The following SORCS2 variants were observed in gnomAD, a reference collection of about 807,000 sequenced individuals.
SORCS2 encodes the protein sortilin related VPS10 domain containing receptor 2.
In SORCS2, 100 loss-of-function variants were observed where a neutral mutation model predicts 141.6. That is an observed-to-expected ratio of 0.71 (90% CI 0.60 to 0.83). The LOEUF (loss-of-function observed/expected upper bound fraction) is 0.83, where lower values mean the gene tolerates loss of function less well. Among genes scored for constraint, SORCS2 ranks in the 40% least tolerant of loss-of-function variants. SORCS2 has a pLI of 0.00. For synonymous variants in SORCS2, 789 were observed against 676.9 expected (o/e 1.17, Z -2.57); for missense variants, 1,646 against 1,560.2 (o/e 1.05, Z -0.93).
chr4:7,690,434 G>GTGGA (rs1162253824), intron 11 of SORCS2, among the ~76,000 whole-genome samples: 3 of 149,762 alleles, frequency 2.0e-5, no homozygotes, highest in Admixed American at 1.3e-4. Context: ...GTGTGGGTGG[G>GTGGA]TGGATGGATG....
chr4:7,299,045 C>T (rs547578847), intron 1 of SORCS2, among the ~76,000 whole-genome samples: 279 of 152,388 alleles, frequency 1.8e-3, no homozygotes, highest in Middle Eastern at 6.8e-3. Context: ...CCCGCCACCC[C>T]CTCTTGGGTC....
At chr4:7,371,745 T>C in intron 1 of SORCS2, among the ~76,000 whole-genome samples, 1 of 151,734 alleles carries the variant, frequency 6.6e-6, no homozygotes, top group Non-Finnish European at 1.5e-5. Flanking sequence ...TGGAGGCGGG[T>C]GTGTGTCGGG....
intron 1 of SORCS2, among the ~76,000 whole-genome samples, chr4:7,378,682 A>G (rs1722808923): frequency 1.3e-5 from 2 of 152,102 alleles, no homozygotes; most frequent in Admixed American, 6.6e-5. Context: ...CAACCATAGC[A>G]GGTTCCTCCC....
Position 7,573,229 on chromosome 4 carries a change from A to G in SORCS2, c.648+41600A>G, listed in dbSNP as rs551014082. 1.6e-4 allele frequency among the ~76,000 whole-genome samples: 24 copies of G among 152,350 alleles called. No individual in the cohort carries two copies. In the South Asian group the frequency reaches 2.5e-3, roughly 16 times the overall value. On this transcript the variant is annotated intron_variant, in intron 3 of 26. Coordinates refer to ENST00000507866, the MANE Select transcript of SORCS2 (RefSeq NM_020777.3). ...AGATACTCCTCCAACTTCAACAAGCACACAAGATCCCTGCGGCATGATATC... is the reference window on the plus strand; with the variant it reads ...AGATACTCCTCCAACTTCAACAAGCGCACAAGATCCCTGCGGCATGATATC...
At chr4:7,457,940 GC>G (rs1227641060) in intron 2 of SORCS2, among the ~76,000 whole-genome samples, 1 of 151,982 alleles carries the variant, frequency 6.6e-6, no homozygotes, top group Non-Finnish European at 1.5e-5. Flanking sequence ...CCGAGAGGCT[GC>G]GGGGCAGGGA....
At chr4:7,583,822 T>C (rs977932875) in intron 3 of SORCS2, among the ~76,000 whole-genome samples, 1 of 152,254 alleles carries the variant, frequency 6.6e-6, no homozygotes, top group Non-Finnish European at 1.5e-5. Context: ...CTAATACATA[T>C]GAGCACTTTA....
chr4:7,207,421 G>A (rs1727808351), intron 1 of SORCS2, among the ~76,000 whole-genome samples: 1 of 152,212 alleles, frequency 6.6e-6, no homozygotes, highest in Admixed American at 6.5e-5. Flanking sequence ...CCAGGGCCCA[G>A]CTGCTGGGCT....
chr4:7,626,020 C>G (rs905233625), intron 3 of SORCS2, among the ~76,000 whole-genome samples: 5 of 151,920 alleles, frequency 3.3e-5, no homozygotes, highest in African/African-American at 1.2e-4. Context: ...TACACACGCG[C>G]CTGTGGTTCC....
chr4:7,405,766 G>T (rs1306976554), intron 2 of SORCS2, among the ~76,000 whole-genome samples: 1 of 151,996 alleles, frequency 6.6e-6, no homozygotes, highest in African/African-American at 2.4e-5. Context: ...CCAGCTATAA[G>T]ATCATGTCAT....
intron 4 of SORCS2, among the ~76,000 whole-genome samples, chr4:7,641,881 T>C (rs1266407464): frequency 1.6e-5 from 2 of 125,774 alleles, no homozygotes; most frequent in Non-Finnish European, 3.3e-5. Context: ...GGTGGATGGA[T>C]GGGGATGGAT....
chr4:7,382,873 C>A (rs1177188719), intron 1 of SORCS2, among the ~76,000 whole-genome samples: 2 of 152,058 alleles, frequency 1.3e-5, no homozygotes, highest in East Asian at 1.9e-4. Context: ...AGGGTCCGCA[C>A]AACATCAACG....
intron 3 of SORCS2, among the ~76,000 whole-genome samples, chr4:7,626,149 AATAAATAAATAAAT>A (rs1719502951): frequency 6.6e-6 from 1 of 152,004 alleles, no homozygotes; most frequent in South Asian, 2.1e-4. Context: ...CCTGTCTCAA[AATAAATAAATAAAT>A]ATAAATAAAT....
chr4:7,611,482 GAGC>G (rs1234027145), intron 3 of SORCS2, among the ~76,000 whole-genome samples: 1 of 152,170 alleles, frequency 6.6e-6, no homozygotes, highest in Non-Finnish European at 1.5e-5. Context: ...GAGCTGTTGG[GAGC>G]AGGTCTCTGG....
intron 3 of SORCS2, among the ~76,000 whole-genome samples, chr4:7,575,143 G>A (rs776730488): frequency 7.9e-5 from 12 of 152,288 alleles, no homozygotes; most frequent in Non-Finnish European, 1.5e-4. Context: ...GAACCTGGCC[G>A]CAGCCTGTTC....
intron 2 of SORCS2, among the ~76,000 whole-genome samples, chr4:7,526,164 C>A (rs993575571): frequency 6.6e-6 from 1 of 152,252 alleles, no homozygotes; most frequent in Non-Finnish European, 1.5e-5. Flanking sequence ...TCCACATGGT[C>A]ACTTGCTCAT....
At chr4:7,458,636 T>C (rs1729077389) in intron 2 of SORCS2, among the ~76,000 whole-genome samples, 1 of 152,214 alleles carries the variant, frequency 6.6e-6, no homozygotes. Context: ...TTCATTTATT[T>C]GCTCATCAAA....
chr4:7,321,677 G>C (rs1308977002), intron 1 of SORCS2, among the ~76,000 whole-genome samples: 1 of 152,220 alleles, frequency 6.6e-6, no homozygotes, highest in Non-Finnish European at 1.5e-5. Context: ...GGCCTAAAGA[G>C]GGCTGGGCTG....
chr4:7,232,136 G>A (rs1320898922), intron 1 of SORCS2, among the ~76,000 whole-genome samples: 4 of 152,222 alleles, frequency 2.6e-5, no homozygotes, highest in Admixed American at 6.5e-5. Context: ...GGGGCACAGC[G>A]TGGAGCAGGA....
chr4:7,467,811 G>A (rs911328123), intron 2 of SORCS2, among the ~76,000 whole-genome samples: 1 of 152,220 alleles, frequency 6.6e-6, no homozygotes, highest in African/African-American at 2.4e-5. Flanking sequence ...GCCGGTCCCC[G>A]CACAAGGGTT....
Sources: gnomAD v4.1 joint callset for allele counts (sites outside exome capture counted in the v4.1 genomes callset) on GRCh38, gnomAD v4.1.1 for gene constraint, MANE v1.5 for transcripts, NCBI Gene and HGNC (gene_info 2026-07-23, HGNC 2026-07-21) for gene names.